AFDN: variants seen among roughly 807,000 people sequenced by gnomAD.
AFDN encodes afadin.
Under a neutral mutation model 216.6 loss-of-function variants are expected in AFDN, and 68 were observed. The ratio of observed to expected loss-of-function variants is 0.31; its 90% CI spans 0.26 to 0.38. AFDN has a LOEUF of 0.38. Among genes scored for constraint, AFDN ranks in the 10% least tolerant of loss-of-function variants. The probability of loss-of-function intolerance (pLI) is 1.00; values close to 1 mark genes in which losing one functional copy is unlikely to be tolerated. For synonymous variants in AFDN, 868 were observed against 853.7 expected, an observed-to-expected ratio of 1.02 and a Z score of -0.29; for missense variants, 2,136 against 2,342.0, an observed-to-expected ratio of 0.91 and a Z score of 1.82.
chr6:167,925,155 C>G, intron 23 of AFDN, 64 bp downstream of exon 23: 3 of 1,186,590 alleles, frequency 2.5e-6, no homozygotes, highest in Non-Finnish European at 3.8e-6. Flanking sequence ...CAGTGGTTGT[C>G]AGAGTGGATC....
rs770640053 is a variant in AFDN, at chr6:167,918,686, A to AC, written c.2710-47dup. 1.9e-6 allele frequency: 3 copies of AC among 1,567,444 alleles called. No individual in the cohort carries two copies. The East Asian group carries it at 6.7e-5, about 35-fold the overall frequency. ...CTTTGAATAGTTGTTGGTCACATGC[A>AC]CCAGGCAGTGAGCATCTCTTTTTAA... is the stretch of plus-strand genomic sequence containing the variant. On this transcript the variant is annotated intron_variant, in intron 20 of 33. Coordinates refer to ENST00000683244, the MANE Select transcript of AFDN (RefSeq NM_001386888.1).
In AFDN at chr6:167,911,436, A is replaced by G. The variant is rs1399882637; in HGVS notation, c.1984A>G (p.Lys662Glu). The part of the protein sequence containing the change: ...PDISPTERTH[K>E]VIAVVNKMVS... ...CATCAGCCCTACAGAGCGCACACAT[A>G]AAGTCATTGCAGTCGTCAACAAGAT... Residue 662 changes from lysine to glutamate, a missense_variant, in exon 15 of 34, where the codon AAA (lysine) becomes GAA (glutamate). By Grantham distance (56) the Lys-to-Glu change is moderately conservative (BLOSUM62 1). Around this residue, in one of 8 missense-constraint regions of AFDN, gnomAD observed 817 missense variants for 965.7 expected, o/e 0.85. Transcript: ENST00000683244. 5 of 1,613,998 alleles carry G rather than the reference A, an allele frequency of 3.1e-6. No homozygotes were observed. The highest frequency in any genetic ancestry group is 4.2e-6 in the Non-Finnish European group (5 of 1,180,016).
At chr6:167,914,033 TG>T (rs2128466256) in intron 16 of AFDN, 134 bp from the exon 17 acceptor site, 2 of 872,800 alleles carry the variant, frequency 2.3e-6, no homozygotes, top group Non-Finnish European at 3.4e-6. Flanking sequence ...TGCAAATATC[TG>T]GTATCTGTGG....
At chr6:167,920,645 T>C (rs1791667660) in intron 21 of AFDN, among the ~76,000 whole-genome samples, 1 of 152,344 alleles carries the variant, frequency 6.6e-6, no homozygotes, top group East Asian at 1.9e-4. Flanking sequence ...TCCTCTGTCA[T>C]GTGTGGGATT....
intron 30 of AFDN, among the ~76,000 whole-genome samples, chr6:167,957,227 A>G (rs1796612310): frequency 6.6e-6 from 1 of 152,050 alleles, no homozygotes; most frequent in African/African-American, 2.4e-5. Context: ...GCTGCTTTGT[A>G]TCAGGGGCCC....
chr6:167,934,048 C>T lies in AFDN; in HGVS notation c.3099+8957C>T, dbSNP rs139094237. Among the ~76,000 whole-genome samples the T allele has an allele frequency of 2.3e-3, 354 of 152,264 alleles. 4 individuals are homozygous for T. Among genetic ancestry groups the T allele is most frequent in the African/African-American group, 7.6e-3 (314 of 41,544 alleles). On this transcript the variant is annotated intron_variant, in intron 23 of 33. Coordinates refer to ENST00000683244, the MANE Select transcript of AFDN (RefSeq NM_001386888.1). The stretch of plus-strand genomic sequence containing the variant: ...TCTTGTGCCTGAAAATCTGCTGAGT[C>T]GCACACCGCTTTGCGAGGCTAAGGA...
chr6:167,834,457 G>GT (rs11446838), intron 1 of AFDN, among the ~76,000 whole-genome samples: 32,736 of 75,036 alleles, frequency 0.44, 8,311 homozygotes, highest in African/African-American at 0.59. Flanking sequence ...TGTTGTTTCG[G>GT]TTTTTTTTTT....
chr6:167,877,211 T>C (rs1785487215), intron 5 of AFDN, among the ~76,000 whole-genome samples: 1 of 152,160 alleles, frequency 6.6e-6, no homozygotes, highest in East Asian at 1.9e-4. Context: ...CTCTGCTTTT[T>C]ATTGGAAAGA....
chr6:167,865,620 A>C (rs957034322), intron 2 of AFDN, among the ~76,000 whole-genome samples: 2 of 152,326 alleles, frequency 1.3e-5, no homozygotes, highest in East Asian at 1.9e-4. Flanking sequence ...CTCTAAAAAA[A>C]TTAATAAAAT....
intron 1 of AFDN, among the ~76,000 whole-genome samples, chr6:167,853,195 A>G (rs1179873636): frequency 1.3e-5 from 2 of 152,154 alleles, no homozygotes; most frequent in East Asian, 1.9e-4. Context: ...ATGGCCTTGT[A>G]TGGCTTTTAC....
chr6:167,947,826 T>A, intron 27 of AFDN, 27 bp from the exon 28 acceptor site: 1 of 1,320,882 alleles, frequency 7.6e-7, no homozygotes, highest in Non-Finnish European at 1.0e-6. Flanking sequence ...ATATTACACT[T>A]TTTTTTTTCC....
chr6:167,904,345 A>G (rs1002911866), intron 12 of AFDN, among the ~76,000 whole-genome samples: 1 of 151,738 alleles, frequency 6.6e-6, no homozygotes, highest in African/African-American at 2.4e-5. Context: ...CGTAGCGGAG[A>G]TTACAGGCAC....
chr6:167,864,240 T>C (rs1458415334), intron 1 of AFDN: 5 of 573,496 alleles, frequency 8.7e-6, no homozygotes, highest in South Asian at 4.2e-5. Flanking sequence ...TGCATTCTTA[T>C]AAATATTGAG....
chr6:167,902,291 G>A (rs1789080579), intron 11 of AFDN, 26 bp from the exon 12 acceptor site: 2 of 1,546,862 alleles, frequency 1.3e-6, no homozygotes, highest in Non-Finnish European at 1.8e-6. Flanking sequence ...TATTAAGTCA[G>A]TGTGTTTCTT....
intron 1 of AFDN, among the ~76,000 whole-genome samples, chr6:167,831,232 T>C (rs1457179565): frequency 6.6e-6 from 1 of 152,216 alleles, no homozygotes; most frequent in African/African-American, 2.4e-5. Context: ...CCACTGTGCC[T>C]GGCTGTCAAT....
intron 3 of AFDN, among the ~76,000 whole-genome samples, chr6:167,870,909 GT>G (rs1417083321): frequency 6.6e-6 from 1 of 152,114 alleles, no homozygotes; most frequent in East Asian, 1.9e-4. Flanking sequence ...TATGTGCAGG[GT>G]TAGGAATTAG....
At chr6:167,827,300 C>T (rs1459975691) in intron 1 of AFDN, 63 bp downstream of exon 1, 2 of 680,280 alleles carry the variant, frequency 2.9e-6, no homozygotes, top group Admixed American at 6.5e-5. Context: ...CCCGCCCCTC[C>T]CCCCCGCCGC....
chr6:167,858,125 C>A (rs1028309524), intron 1 of AFDN, among the ~76,000 whole-genome samples: 17 of 152,066 alleles, frequency 1.1e-4, no homozygotes, highest in African/African-American at 4.1e-4. Context: ...ACTTTTTGAT[C>A]CCCTTTCCAT....
At chr6:167,963,103 A>C (rs1377670272) in intron 31 of AFDN, 2 of 1,067,178 alleles carry the variant, frequency 1.9e-6, no homozygotes, top group African/African-American at 3.3e-5. Context: ...AAATATCCTA[A>C]GTTATTTATT....
Sources: allele counts gnomAD v4.1 joint callset (sites outside exome capture counted in the v4.1 genomes callset), GRCh38; gene constraint gnomAD v4.1.1; regional missense constraint gnomAD v4.1.1; transcripts MANE v1.5; gene names NCBI Gene and HGNC (gene_info 2026-07-23, HGNC 2026-07-21).